Variants in NEDD4 observed in about 807,000 individuals in gnomAD.
NEDD4 encodes NEDD4 E3 ubiquitin protein ligase.
Under a neutral mutation model 144.9 loss-of-function variants are expected in NEDD4, and 99 were observed. That is an observed-to-expected ratio of 0.68 (90% confidence interval 0.58 to 0.81). The LOEUF (loss-of-function observed/expected upper bound fraction) is 0.81. Ranked by LOEUF, NEDD4 falls within the 30% of genes least tolerant of loss-of-function variation. The pLI, the probability that NEDD4 is intolerant of heterozygous loss-of-function variation, is 0.00. For synonymous variants in NEDD4, 318 were observed against 350.6 expected (o/e 0.91, Z 1.04); for missense variants, 985 against 1,065.9 (o/e 0.92, Z 1.06).
intron 5 of NEDD4, among the ~76,000 whole-genome samples, chr15:55,890,360 C>T (rs534007852): frequency 1.3e-5 from 2 of 151,976 alleles, no homozygotes; most frequent in Non-Finnish European, 2.9e-5. Context: ...TGCCCATTTC[C>T]CCACCCCTCC....
chr15:55,937,274 T>C (rs2036912807), intron 4 of NEDD4, among the ~76,000 whole-genome samples: 2 of 152,220 alleles, frequency 1.3e-5, no homozygotes, highest in Non-Finnish European at 2.9e-5. Flanking sequence ...CTGTAATATG[T>C]TATCTCAACA....
chr15:55,931,782 C>T (rs1314432637), intron 4 of NEDD4, among the ~76,000 whole-genome samples: 1 of 152,220 alleles, frequency 6.6e-6, no homozygotes, highest in African/African-American at 2.4e-5. Context: ...ATAGCATACA[C>T]TCATCCCTTT....
intron 2 of NEDD4, among the ~76,000 whole-genome samples, chr15:55,963,790 T>A (rs572636309): frequency 6.6e-6 from 1 of 152,362 alleles, no homozygotes; most frequent in South Asian, 2.1e-4. Context: ...CTGAAAGGAC[T>A]TTAAGATATC....
intron 2 of NEDD4, among the ~76,000 whole-genome samples, chr15:55,962,584 C>G (rs1323843322): frequency 6.6e-6 from 1 of 152,008 alleles, no homozygotes; most frequent in African/African-American, 2.4e-5. Flanking sequence ...GCTGGGATTA[C>G]AGATGCCTGC....
At chr15:55,971,623 T>TAAAAAA (rs1278756859) in intron 1 of NEDD4, among the ~76,000 whole-genome samples, 1 of 84,018 alleles carries the variant, frequency 1.2e-5, no homozygotes, top group Non-Finnish European at 2.3e-5. Flanking sequence ...AGACTCTGTC[T>TAAAAAA]CAAAAAAAAA....
intron 4 of NEDD4, among the ~76,000 whole-genome samples, chr15:55,930,575 A>G (rs766098313): frequency 2.0e-5 from 3 of 152,222 alleles, no homozygotes; most frequent in African/African-American, 4.8e-5. Flanking sequence ...CCAGAGTTGA[A>G]GAGAAACAGT....
chr15:55,872,388 TG>T, intron 7 of NEDD4, 26 bp downstream of exon 7: 1 of 1,154,634 alleles, frequency 8.7e-7, no homozygotes. Context: ...AAATTTAATA[TG>T]CTATTATTAT....
intron 4 of NEDD4, among the ~76,000 whole-genome samples, chr15:55,940,555 C>CTCTCT (rs2036982662): frequency 1.3e-4 from 16 of 121,000 alleles, no homozygotes; most frequent in African/African-American, 2.7e-4. Context: ...TGCCTCTCTG[C>CTCTCT]CTCTCTCTGT....
intron 8 of NEDD4, among the ~76,000 whole-genome samples, chr15:55,865,066 C>T (rs564310676): frequency 7.8e-4 from 118 of 151,718 alleles, no homozygotes; most frequent in African/African-American, 2.6e-3. Flanking sequence ...GGCATGGTGG[C>T]GGGCGCCTGT....
chr15:55,991,442 G>A (rs140275320), intron 1 of NEDD4, among the ~76,000 whole-genome samples: 1 of 152,344 alleles, frequency 6.6e-6, no homozygotes, highest in East Asian at 1.9e-4. Flanking sequence ...GGCTGAGACT[G>A]TCTTTTTTCC....
chr15:55,949,375 T>C (rs1193217655), intron 4 of NEDD4, among the ~76,000 whole-genome samples: 1 of 152,162 alleles, frequency 6.6e-6, no homozygotes, highest in Non-Finnish European at 1.5e-5. Flanking sequence ...AGTTCAACCA[T>C]TGTGGAAGAC....
At chr15:55,942,570 C>A (rs1470929265) in intron 4 of NEDD4, among the ~76,000 whole-genome samples, 1 of 152,180 alleles carries the variant, frequency 6.6e-6, no homozygotes, top group Non-Finnish European at 1.5e-5. Context: ...TTCCCCTTCA[C>A]CTTCTGTCAC....
At chr15:55,956,882 A>C (rs1233792516) in intron 2 of NEDD4, among the ~76,000 whole-genome samples, 1 of 152,214 alleles carries the variant, frequency 6.6e-6, no homozygotes, top group Non-Finnish European at 1.5e-5. Context: ...AATCTAATCA[A>C]TTTGGAGAAA....
At chr15:55,877,919 T>C (rs1338403931) in intron 5 of NEDD4, among the ~76,000 whole-genome samples, 1 of 152,156 alleles carries the variant, frequency 6.6e-6, no homozygotes, top group East Asian at 1.9e-4. Context: ...ATTTCTGATA[T>C]CTTCTCAATT....
chr15:55,909,977 TTC>T (rs1482880132), intron 5 of NEDD4, among the ~76,000 whole-genome samples: 39 of 151,396 alleles, frequency 2.6e-4, no homozygotes, highest in African/African-American at 8.2e-4. Flanking sequence ...ACTTATAATT[TTC>T]TGTTTCCTTC....
rs144740740 is a variant in NEDD4, at chr15:55,844,010, T to C, written c.1609-1847A>G. On this transcript the variant is annotated intron_variant, in intron 18 of 28. Transcript: ENST00000435532. ...AAAATAGGAGGACAATTGCTGATGA[T>C]AGAGATGGAAGCAATGTTCTGCAGG... 4.3e-3 allele frequency among the ~76,000 whole-genome samples: 659 copies of C among 152,156 alleles called. 5 individuals carry two copies. The highest frequency in any genetic ancestry group is 0.015 in the African/African-American group (628 of 41,500).
chr15:55,967,890 G>T (rs2037542849), intron 1 of NEDD4, among the ~76,000 whole-genome samples: 1 of 152,152 alleles, frequency 6.6e-6, no homozygotes, highest in African/African-American at 2.4e-5. Context: ...ACTTGTGTCT[G>T]TAATCCCAGC....
chr15:55,975,054 G>A (rs781283624), intron 1 of NEDD4, among the ~76,000 whole-genome samples: 46 of 151,648 alleles, frequency 3.0e-4, no homozygotes, highest in Non-Finnish European at 5.0e-4. Context: ...TACCACACCC[G>A]GGTAATTTTT....
chr15:55,920,662 C>T (rs1455757355), intron 5 of NEDD4, among the ~76,000 whole-genome samples: 11 of 152,166 alleles, frequency 7.2e-5, no homozygotes, highest in African/African-American at 2.7e-4. Flanking sequence ...GTGTTCTTCA[C>T]CCTCCATTTT....
Sources: allele counts gnomAD v4.1 joint callset (sites outside exome capture counted in the v4.1 genomes callset), GRCh38; gene constraint gnomAD v4.1.1; transcripts MANE v1.5; gene names NCBI Gene and HGNC (gene_info 2026-07-23, HGNC 2026-07-21).